The following CUX1 variants were observed in gnomAD, a reference collection of about 807,000 sequenced individuals.
CUX1 encodes protein CASP.
Under a neutral mutation model 158.8 loss-of-function variants are expected in CUX1, and 31 were observed. The ratio of observed to expected loss-of-function variants is 0.20; its 90% confidence interval spans 0.15 to 0.26. CUX1 has a LOEUF of 0.26. Ranked by LOEUF, CUX1 falls within the 10% of genes least tolerant of loss-of-function variation. CUX1 has a pLI of 1.00. For missense variants in CUX1, 1,589 were observed against 2,014.6 expected (o/e 0.79, Z 4.04); for synonymous variants, 879 against 862.1 (o/e 1.02, Z -0.34).
chr7:101,988,417 C>T (rs1267724384), intron 2 of CUX1, among the ~76,000 whole-genome samples: 1 of 152,134 alleles, frequency 6.6e-6, no homozygotes, highest in Non-Finnish European at 1.5e-5. Context: ...CTCCTGAAAA[C>T]ACTTCATGGG....
chr7:101,863,476 G>A (rs562670699), intron 1 of CUX1, among the ~76,000 whole-genome samples: 1 of 151,770 alleles, frequency 6.6e-6, no homozygotes, highest in African/African-American at 2.4e-5. Flanking sequence ...TCAGCCTCCC[G>A]AGTAGCTGGG....
At chr7:102,142,960 AAAG>A (rs1290024689) in intron 8 of CUX1, among the ~76,000 whole-genome samples, 6 of 152,174 alleles carry the variant, frequency 3.9e-5, no homozygotes, top group African/African-American at 1.4e-4. Flanking sequence ...ATCTGAAAGT[AAAG>A]AAGTAACAAC....
chr7:102,191,202 G>C (rs1794235058), intron 12 of CUX1, among the ~76,000 whole-genome samples: 1 of 152,138 alleles, frequency 6.6e-6, no homozygotes, highest in African/African-American at 2.4e-5. Context: ...CCCTCTAACA[G>C]TTCCAGCCTC....
intron 16 of CUX1, chr7:102,275,123 C>T (rs1401333991): frequency 4.4e-6 from 3 of 682,500 alleles, no homozygotes; most frequent in Admixed American, 5.4e-5. Context: ...GAGTCAGACA[C>T]CATGTGGCTT....
chr7:102,281,692 C>G, intron 20 of CUX1: 1 of 639,336 alleles, frequency 1.6e-6, no homozygotes, highest in Non-Finnish European at 2.8e-6. Context: ...CAGCCCATGT[C>G]CCTGGCCCAT....
chr7:102,281,441 T>A (rs1218529566), intron 20 of CUX1, among the ~76,000 whole-genome samples: 5 of 151,990 alleles, frequency 3.3e-5, no homozygotes, highest in African/African-American at 1.2e-4. Context: ...GTTGGGCGGA[T>A]CACCTGAGGT....
chr7:102,241,902 G>A (rs1356263069), intron 23 of CUX1, among the ~76,000 whole-genome samples: 4 of 151,692 alleles, frequency 2.6e-5, no homozygotes, highest in Middle Eastern at 3.4e-3. Flanking sequence ...GCCAGAAGGC[G>A]GAGGTTGCAG....
At chr7:102,140,991 G>A (rs782608276) in intron 8 of CUX1, among the ~76,000 whole-genome samples, 2 of 151,962 alleles carry the variant, frequency 1.3e-5, no homozygotes, top group Non-Finnish European at 2.9e-5. Flanking sequence ...CTTCCTTTGT[G>A]GTATTTTAGT....
At chr7:102,155,076 C>T (rs1278270952) in intron 8 of CUX1, among the ~76,000 whole-genome samples, 1 of 152,194 alleles carries the variant, frequency 6.6e-6, no homozygotes, top group East Asian at 1.9e-4. Context: ...TACGCAGGAC[C>T]TAAGCCTGCA....
intron 14 of CUX1, among the ~76,000 whole-genome samples, chr7:102,196,041 C>G (rs1471092633): frequency 1.3e-5 from 2 of 152,204 alleles, no homozygotes; most frequent in African/African-American, 2.4e-5. Flanking sequence ...CCCCTGGGGA[C>G]GCGTCCCCCA....
chr7:102,010,240 C>CA (rs1817837904), intron 2 of CUX1, among the ~76,000 whole-genome samples: 1 of 151,760 alleles, frequency 6.6e-6, no homozygotes, highest in Non-Finnish European at 1.5e-5. Context: ...CTAAATAATA[C>CA]AAAAATTAGC....
At chr7:102,216,492 AAG>A (rs1468716316) in intron 20 of CUX1, among the ~76,000 whole-genome samples, 1 of 150,036 alleles carries the variant, frequency 6.7e-6, no homozygotes, top group Non-Finnish European at 1.5e-5. Context: ...CCTTGAGAAA[AAG>A]AGGGCGTGCG....
chr7:101,880,236 C>T (rs1189361783), intron 1 of CUX1, among the ~76,000 whole-genome samples: 2 of 152,166 alleles, frequency 1.3e-5, no homozygotes, highest in Non-Finnish European at 2.9e-5. Flanking sequence ...GAGAAGTTTC[C>T]TTCAGAAAGT....
chr7:102,087,580 C>T (rs1192387315), intron 4 of CUX1, among the ~76,000 whole-genome samples: 1 of 150,222 alleles, frequency 6.7e-6, no homozygotes, highest in Non-Finnish European at 1.5e-5. Flanking sequence ...AACTCCATCT[C>T]AAAAAAAAAG....
chr7:102,134,330 C>T (rs2131338076), intron 8 of CUX1, among the ~76,000 whole-genome samples: 1 of 152,258 alleles, frequency 6.6e-6, no homozygotes, highest in East Asian at 1.9e-4. Flanking sequence ...GAGCTAGACT[C>T]AGTCTCAAAA....
rs1195069760 is a variant in CUX1, at chr7:102,062,738, C to T, written c.190-7601C>T. 4.6e-5 allele frequency among the ~76,000 whole-genome samples: 7 copies of T among 152,272 alleles called. No homozygotes were observed. In the East Asian group the frequency reaches 1.4e-3, roughly 30 times the overall value. On this transcript the variant is annotated intron_variant, in intron 3 of 23. Transcript: ENST00000292535. Reference sequence around the variant, plus strand: ...TTGATCTCGAACTCCTGCACTCAAACGATCCTCCCACCTTGGCCTCCCAAA... The same window carrying T: ...TTGATCTCGAACTCCTGCACTCAAATGATCCTCCCACCTTGGCCTCCCAAA...
chr7:101,962,857 A>C (rs1401637993), intron 2 of CUX1, among the ~76,000 whole-genome samples: 2 of 151,960 alleles, frequency 1.3e-5, no homozygotes, highest in East Asian at 3.9e-4. Context: ...AGTAGCTGGG[A>C]CTGCAGGTGT....
chr7:101,974,700 G>A (rs962255456), intron 2 of CUX1, among the ~76,000 whole-genome samples: 6 of 152,184 alleles, frequency 3.9e-5, no homozygotes, highest in Non-Finnish European at 8.8e-5. Flanking sequence ...TATCAGCTGA[G>A]GAAGGGGGCG....
At chr7:102,134,566 G>T (rs1379322884) in intron 8 of CUX1, among the ~76,000 whole-genome samples, 1 of 152,068 alleles carries the variant, frequency 6.6e-6, no homozygotes, top group Admixed American at 6.6e-5. Flanking sequence ...ATCCTCCTCC[G>T]TCTTTCCCCC....
Sources: gnomAD v4.1 joint callset for allele counts (sites outside exome capture counted in the v4.1 genomes callset) on GRCh38, gnomAD v4.1.1 for gene constraint, MANE v1.5 for transcripts, NCBI Gene and HGNC (gene_info 2026-07-23, HGNC 2026-07-21) for gene names.